TMEM178B: variants seen among roughly 807,000 people sequenced by gnomAD.
TMEM178B encodes the protein transmembrane protein 178B.
In TMEM178B, 5 loss-of-function variants were observed where a neutral mutation model predicts 31.0. The observed-to-expected ratio is 0.16, with a 90% CI of 0.08 to 0.34. The LOEUF (loss-of-function observed/expected upper bound fraction) is 0.34. TMEM178B is among the 10% of genes least tolerant of loss of function. The probability of loss-of-function intolerance (pLI) is 1.00; values close to 1 mark genes in which losing one functional copy is unlikely to be tolerated. For missense variants in TMEM178B, 275 were observed against 400.3 expected (o/e 0.69, Z 2.67); for synonymous variants, 164 against 164.0 (o/e 1.00, Z 0.00).
intron 1 of TMEM178B, among the ~76,000 whole-genome samples, chr7:141,210,245 A>G (rs1400699677): frequency 6.6e-6 from 1 of 152,088 alleles, no homozygotes. Context: ...CGGGTGGATC[A>G]CCTGAGGTCG....
At chr7:141,310,960 A>C (rs11771978) in intron 2 of TMEM178B, among the ~76,000 whole-genome samples, 40,108 of 152,188 alleles carry the variant, frequency 0.26, 6,480 homozygotes, top group African/African-American at 0.45. Flanking sequence ...ATGGAATACT[A>C]TGCAGCCATA....
At chr7:141,110,580 T>C (rs574417745) in intron 1 of TMEM178B, among the ~76,000 whole-genome samples, 10 of 152,370 alleles carry the variant, frequency 6.6e-5, no homozygotes, top group African/African-American at 2.4e-4. Flanking sequence ...CCTCTCCTTT[T>C]TCTTCTCTTT....
intron 2 of TMEM178B, among the ~76,000 whole-genome samples, chr7:141,383,700 G>A (rs917100114): frequency 9.2e-5 from 14 of 152,132 alleles, no homozygotes; most frequent in African/African-American, 3.1e-4. Flanking sequence ...TATCTTTATA[G>A]CAGCATGATT....
intron 1 of TMEM178B, among the ~76,000 whole-genome samples, chr7:141,095,407 G>C (rs1238312521): frequency 1.3e-5 from 2 of 152,162 alleles, no homozygotes; most frequent in Non-Finnish European, 2.9e-5. Flanking sequence ...AGTTCTACCT[G>C]TAAACAAGTA....
At chr7:141,336,897 C>CCACCAT (rs1799403742) in intron 2 of TMEM178B, among the ~76,000 whole-genome samples, 1 of 123,510 alleles carries the variant, frequency 8.1e-6, no homozygotes, top group Non-Finnish European at 1.7e-5. Flanking sequence ...ACCGCTACCA[C>CCACCAT]CACCACCATC....
intron 2 of TMEM178B, among the ~76,000 whole-genome samples, chr7:141,403,349 A>C (rs1335705992): frequency 6.6e-6 from 1 of 152,218 alleles, no homozygotes; most frequent in East Asian, 1.9e-4. Flanking sequence ...GTCAATGGAC[A>C]CACTAAGGCT....
the TMEM178B span, among the ~76,000 whole-genome samples, chr7:141,509,813 C>G: frequency 6.6e-6 from 1 of 152,196 alleles, no homozygotes; most frequent in African/African-American, 2.4e-5. Context: ...TACAGATGCT[C>G]GGAAACACTG....
At chr7:141,382,803 C>A (rs1800343296) in intron 2 of TMEM178B, among the ~76,000 whole-genome samples, 2 of 152,314 alleles carry the variant, frequency 1.3e-5, no homozygotes, top group East Asian at 1.9e-4. Flanking sequence ...GTCCCACAAA[C>A]AAACCTCACA....
At chr7:141,462,613 A>G (rs1400637260) in intron 3 of TMEM178B, among the ~76,000 whole-genome samples, 1 of 152,078 alleles carries the variant, frequency 6.6e-6, no homozygotes. Context: ...CAGGTAGCCA[A>G]AAAACTAAAA....
intron 3 of TMEM178B, among the ~76,000 whole-genome samples, chr7:141,458,212 C>T (rs1032747430): frequency 3.3e-5 from 5 of 152,126 alleles, no homozygotes; most frequent in African/African-American, 1.2e-4. Context: ...CTTCGTCTCC[C>T]GGGTTCAAGC....
chr7:141,225,238 C>A (rs1451508188), intron 2 of TMEM178B, among the ~76,000 whole-genome samples: 1 of 152,130 alleles, frequency 6.6e-6, no homozygotes, highest in Non-Finnish European at 1.5e-5. Flanking sequence ...AGGCCTACTG[C>A]CCTTCTCTTC....
intron 2 of TMEM178B, among the ~76,000 whole-genome samples, chr7:141,240,309 T>G (rs754223396): frequency 1.3e-5 from 2 of 152,242 alleles, no homozygotes; most frequent in African/African-American, 2.4e-5. Flanking sequence ...TTAAAAAACA[T>G]GTACAACACA....
In TMEM178B at chr7:141,471,592, T is replaced by A. The variant is rs1802243181; in HGVS notation, c.*806T>A. 1 of 151,508 alleles carries A rather than the reference T, an allele frequency of 6.6e-6. No individual in the cohort carries two copies. Among genetic ancestry groups the A allele is most frequent in the Non-Finnish European group, 1.5e-5 (1 of 67,946 alleles). The allele number at this position is 151,508 out of a possible 1,614,324, so 9.4% of individuals were successfully genotyped here. A position where few individuals can be genotyped will look rare whatever the true frequency, so the allele number is the denominator to read the frequency against. On this transcript the variant is annotated 3_prime_UTR_variant, in exon 4 of 4. Transcript: ENST00000565468. The surrounding 1 kb of genome is among the most constrained non-coding windows in gnomAD (Gnocchi z 4.1). ...TGTGGGTGTGCGTGCATGTGTACTT[T>A]GGGCGGTTTCCTTTTTTTCTTTTCT...
At chr7:141,502,111 A>G in the TMEM178B span, among the ~76,000 whole-genome samples, 1 of 152,180 alleles carries the variant, frequency 6.6e-6, no homozygotes, top group South Asian at 2.1e-4. Context: ...TTCATCTGTT[A>G]TCCCCTTTCC....
chr7:141,388,071 C>T (rs1165972963), intron 2 of TMEM178B, among the ~76,000 whole-genome samples: 3 of 152,114 alleles, frequency 2.0e-5, no homozygotes, highest in African/African-American at 7.2e-5. Flanking sequence ...AGGTTGTGAC[C>T]GCAGATGACA....
chr7:141,465,834 GCAA>G (rs1416714457), intron 3 of TMEM178B, among the ~76,000 whole-genome samples: 1 of 152,034 alleles, frequency 6.6e-6, no homozygotes, highest in African/African-American at 2.4e-5. Flanking sequence ...GCCAGCCTGG[GCAA>G]CATGGTGAAA....
rs1442320573 is a variant in TMEM178B at position 141,412,104 on chromosome 7, G to GA, written c.497-25504_497-25503insA. 2.4e-4 allele frequency among the ~76,000 whole-genome samples: 36 copies of GA among 152,224 alleles called. No individual in the cohort carries two copies. In the South Asian group the frequency reaches 7.1e-3, roughly 30 times the overall value. Reference sequence around the variant, plus strand: ...GTATCCCCAAAGAGCATCTGATTGTGTCAGCTTGTCTTTGTTCAGTAAGAA... The same window carrying GA: ...GTATCCCCAAAGAGCATCTGATTGTGATCAGCTTGTCTTTGTTCAGTAAGAA... On this transcript the variant is annotated intron_variant, in intron 2 of 3. Coordinates refer to ENST00000565468, the MANE Select transcript of TMEM178B (RefSeq NM_001195278.2).
At chr7:141,253,544 C>CCTTTTTT (rs1797869282) in intron 2 of TMEM178B, among the ~76,000 whole-genome samples, 1 of 70,034 alleles carries the variant, frequency 1.4e-5, no homozygotes, top group African/African-American at 5.5e-5. Context: ...ATTTTCCCTT[C>CCTTTTTT]TTTTTTTTTT....
intron 2 of TMEM178B, among the ~76,000 whole-genome samples, chr7:141,253,707 C>T (rs781116396): frequency 6.6e-5 from 10 of 151,998 alleles, no homozygotes; most frequent in South Asian, 4.1e-4. Context: ...CCCACCACAG[C>T]GCCCGGCTAA....
Sources: gnomAD v4.1 joint callset for allele counts (sites outside exome capture counted in the v4.1 genomes callset) on GRCh38, gnomAD v4.1.1 for gene constraint, Gnocchi (gnomAD v3.1) non-coding constraint, MANE v1.5 for transcripts, NCBI Gene and HGNC (gene_info 2026-07-23, HGNC 2026-07-21) for gene names.